The following LCLAT1 variants were observed in gnomAD, a reference collection of about 807,000 sequenced individuals.
LCLAT1 encodes 1-AGP acyltransferase 8.
Under a neutral mutation model 30.7 loss-of-function variants are expected in LCLAT1, and 11 were observed. That is an observed-to-expected ratio of 0.36 (90% CI 0.23 to 0.59). The LOEUF is 0.59. LCLAT1 is among the 20% of genes least tolerant of loss of function. The pLI, the probability that LCLAT1 is intolerant of heterozygous loss-of-function variation, is 0.77. For synonymous variants in LCLAT1, 155 were observed against 151.3 expected (o/e 1.02, Z -0.18); for missense variants, 402 against 458.6 (o/e 0.88, Z 1.13).
At chr2:30,583,022 C>T (rs772432743) in intron 5 of LCLAT1, among the ~76,000 whole-genome samples, 11 of 152,188 alleles carry the variant, frequency 7.2e-5, no homozygotes, top group Non-Finnish European at 1.0e-4. Context: ...CATTTTTCTG[C>T]ACTATAAACC....
At chr2:30,578,007 C>T (rs1275941245) in intron 5 of LCLAT1, among the ~76,000 whole-genome samples, 1 of 152,026 alleles carries the variant, frequency 6.6e-6, no homozygotes, top group Non-Finnish European at 1.5e-5. Context: ...AAACACTTTG[C>T]CTTTTTGAAA....
chr2:30,539,152 G>T (rs1663982259), intron 3 of LCLAT1, among the ~76,000 whole-genome samples: 1 of 150,902 alleles, frequency 6.6e-6, no homozygotes, highest in Admixed American at 6.6e-5. Context: ...TAGAGATGGG[G>T]TTTCACCATT....
chr2:30,562,726 T>C (rs570122978), intron 4 of LCLAT1, among the ~76,000 whole-genome samples: 2 of 152,288 alleles, frequency 1.3e-5, no homozygotes, highest in South Asian at 4.1e-4. Context: ...TTTATGTAAG[T>C]GTAATTTTAA....
chr2:30,460,548 TATG>T (rs1237327056), intron 1 of LCLAT1, among the ~76,000 whole-genome samples: 2 of 152,244 alleles, frequency 1.3e-5, no homozygotes, highest in Non-Finnish European at 2.9e-5. Flanking sequence ...GTGTATGTGA[TATG>T]ATGAAGAATC....
At chr2:30,609,812 T>G (rs1453202567) in intron 5 of LCLAT1, among the ~76,000 whole-genome samples, 3 of 152,166 alleles carry the variant, frequency 2.0e-5, no homozygotes, top group Non-Finnish European at 4.4e-5. Context: ...TTTCACATAT[T>G]TATATGTTGT....
intron 2 of LCLAT1, among the ~76,000 whole-genome samples, chr2:30,532,304 A>G (rs540116634): frequency 6.6e-6 from 1 of 152,288 alleles, no homozygotes; most frequent in East Asian, 1.9e-4. Context: ...CGCCAAGAGA[A>G]CTTTTGATTC....
intron 1 of LCLAT1, among the ~76,000 whole-genome samples, chr2:30,518,768 TC>T (rs1441622787): frequency 6.6e-6 from 1 of 152,196 alleles, no homozygotes. Flanking sequence ...TCCCTGTACA[TC>T]CTGACTCTCA....
chr2:30,493,969 A>T (rs1683971371), intron 1 of LCLAT1, among the ~76,000 whole-genome samples: 1 of 152,178 alleles, frequency 6.6e-6, no homozygotes. Context: ...CCTGGTCAAC[A>T]TAGTGAGATC....
chr2:30,591,810 G>T (rs1487703517), intron 5 of LCLAT1, among the ~76,000 whole-genome samples: 1 of 152,118 alleles, frequency 6.6e-6, no homozygotes, highest in Non-Finnish European at 1.5e-5. Flanking sequence ...ATACTATCTA[G>T]TCCAGAGCTG....
At chr2:30,511,526 GT>G (rs1388548352) in intron 1 of LCLAT1, among the ~76,000 whole-genome samples, 1 of 152,228 alleles carries the variant, frequency 6.6e-6, no homozygotes, top group Non-Finnish European at 1.5e-5. Context: ...AATGGCTGCA[GT>G]TTTGGACAGC....
chr2:30,581,109 A>C (rs1257751516), intron 5 of LCLAT1, among the ~76,000 whole-genome samples: 4 of 152,140 alleles, frequency 2.6e-5, no homozygotes, highest in Non-Finnish European at 2.9e-5. Flanking sequence ...AAATGAGAAA[A>C]GGAAGCTGAC....
At chr2:30,600,332 G>A (rs1256179058) in intron 5 of LCLAT1, among the ~76,000 whole-genome samples, 1 of 152,114 alleles carries the variant, frequency 6.6e-6, no homozygotes. Context: ...TAAGAACAAA[G>A]AGATAATGTA....
chr2:30,464,199 C>CT (rs569989344), intron 1 of LCLAT1, among the ~76,000 whole-genome samples: 7 of 150,654 alleles, frequency 4.6e-5, no homozygotes, highest in South Asian at 2.1e-4. Flanking sequence ...ATTTCTTTCC[C>CT]TTTTTTTTTA....
intron 5 of LCLAT1, 102 bp from the exon 6 acceptor site, chr2:30,640,015 G>A (rs1217162757): frequency 3.0e-5 from 25 of 842,676 alleles, no homozygotes; most frequent in Non-Finnish European, 4.0e-5. Flanking sequence ...GGTTCACACT[G>A]TCCTGATTTT....
At chr2:30,484,514 G>C (rs572753738) in intron 1 of LCLAT1, among the ~76,000 whole-genome samples, 1 of 152,086 alleles carries the variant, frequency 6.6e-6, no homozygotes, top group Non-Finnish European at 1.5e-5. Flanking sequence ...TCCTGGCTTT[G>C]CGTTTAACCA....
chr2:30,539,757 C>A (rs59120669), intron 3 of LCLAT1, among the ~76,000 whole-genome samples: 5,904 of 152,168 alleles, frequency 0.039, 394 homozygotes, highest in African/African-American at 0.13. Context: ...GTAAAAGAAT[C>A]TCTAATAATT....
At chr2:30,503,568 G>A (rs1313961006) in intron 1 of LCLAT1, among the ~76,000 whole-genome samples, 4 of 152,198 alleles carry the variant, frequency 2.6e-5, no homozygotes, top group Admixed American at 2.6e-4. Flanking sequence ...TAGCATGGGT[G>A]TATGTGGTTT....
intron 1 of LCLAT1, among the ~76,000 whole-genome samples, chr2:30,481,465 A>C (rs1683317342): frequency 6.6e-6 from 1 of 151,980 alleles, no homozygotes; most frequent in African/African-American, 2.4e-5. Context: ...CTGGTAGAGG[A>C]GGGGGAGCCA....
chr2:30,478,285 G>C (rs1404592278), intron 1 of LCLAT1, among the ~76,000 whole-genome samples: 3 of 152,066 alleles, frequency 2.0e-5, no homozygotes, highest in Admixed American at 2.0e-4. Flanking sequence ...GTAGGCTGAC[G>C]TGAAAACCTG....
Sources: gnomAD v4.1 joint callset for allele counts (sites outside exome capture counted in the v4.1 genomes callset) on GRCh38, gnomAD v4.1.1 for gene constraint, MANE v1.5 for transcripts, NCBI Gene and HGNC (gene_info 2026-07-23, HGNC 2026-07-21) for gene names.